Variants in PHLDB2 observed in about 807,000 individuals in gnomAD.
PHLDB2 encodes pleckstrin homology like domain family B member 2.
A neutral mutation model predicts 123.6 loss-of-function variants in PHLDB2; 71 were observed. That is an observed-to-expected ratio of 0.57 (90% CI 0.47 to 0.70). PHLDB2 has a LOEUF of 0.70. PHLDB2 is among the 30% of genes least tolerant of loss of function. The pLI is 0.00. For missense variants in PHLDB2, 1,446 were observed against 1,519.5 expected, an observed-to-expected ratio of 0.95 and a Z score of 0.80; for synonymous variants, 547 against 541.6, an observed-to-expected ratio of 1.01 and a Z score of -0.14.
intron 15 of PHLDB2, among the ~76,000 whole-genome samples, chr3:111,968,651 A>C (rs1400273182): frequency 6.6e-6 from 1 of 152,224 alleles, no homozygotes; most frequent in Non-Finnish European, 1.5e-5. Context: ...TAGCAGTTAG[A>C]GACTATCTTT....
rs200181744 is a variant in PHLDB2, at chr3:111,884,647, G to C, written c.570G>C (p.Pro190=). 3.1e-6 allele frequency: 5 copies of C among 1,613,976 alleles called. No individual in the cohort carries two copies. The change falls in exon 2 of 18, where the codon CCG becomes CCC. Residue 190 remains proline, a synonymous_variant. Transcript: ENST00000431670. ...GAAGTTCCCTGAGTGATGCTGGCCC[G>C]CCTCCTATCAGCAGATCGGGAGCCG... ...WNGSSLSDAG[P]PPISRSGAAS...
At chr3:111,753,040 C>G (rs1002361158) in intron 1 of PHLDB2, among the ~76,000 whole-genome samples, 13 of 152,068 alleles carry the variant, frequency 8.5e-5, no homozygotes, top group South Asian at 2.1e-4. Flanking sequence ...TCTTAATCCA[C>G]TCTATCATTG....
At chr3:111,809,991 T>G (rs2061758842) in intron 1 of PHLDB2, among the ~76,000 whole-genome samples, 1 of 152,164 alleles carries the variant, frequency 6.6e-6, no homozygotes, top group Non-Finnish European at 1.5e-5. Flanking sequence ...TGCACCCAGG[T>G]AATTTTTTAA....
intron 12 of PHLDB2, 147 bp downstream of exon 12, chr3:111,954,176 G>T: frequency 1.6e-6 from 1 of 632,308 alleles, no homozygotes; most frequent in Non-Finnish European, 2.7e-6. Context: ...CTTTCGGGAG[G>T]GATATATAAC....
intron 13 of PHLDB2, among the ~76,000 whole-genome samples, chr3:111,964,138 G>A (rs2071598029): frequency 6.6e-6 from 1 of 152,050 alleles, no homozygotes; most frequent in Non-Finnish European, 1.5e-5. Flanking sequence ...CTGACCATGG[G>A]GATTAGTTAT....
intron 1 of PHLDB2, among the ~76,000 whole-genome samples, chr3:111,865,561 G>T (rs1272957445): frequency 1.3e-5 from 2 of 152,122 alleles, no homozygotes; most frequent in African/African-American, 4.8e-5. Context: ...TCACCATGTT[G>T]AGTATGGAGA....
intron 13 of PHLDB2, among the ~76,000 whole-genome samples, chr3:111,962,944 A>G (rs553073260): frequency 9.2e-5 from 14 of 151,656 alleles, no homozygotes; most frequent in African/African-American, 3.4e-4. Flanking sequence ...AAAAAAAAAA[A>G]AAAAAGAAAG....
At chr3:111,813,957 T>C (rs963529681) in intron 1 of PHLDB2, among the ~76,000 whole-genome samples, 1 of 152,224 alleles carries the variant, frequency 6.6e-6, no homozygotes, top group Admixed American at 6.5e-5. Flanking sequence ...TTCTATGTCA[T>C]TTGTTCAAAA....
At chr3:111,829,470 T>G (rs1225524003) in intron 1 of PHLDB2, among the ~76,000 whole-genome samples, 88 of 736 alleles carry the variant, frequency 0.12, no homozygotes, top group South Asian at 0.17. Flanking sequence ...TTTTTTTTGG[T>G]TTTTTTTTTT....
intron 2 of PHLDB2, among the ~76,000 whole-genome samples, chr3:111,901,141 C>T (rs577366930): frequency 2.0e-5 from 3 of 152,080 alleles, no homozygotes; most frequent in African/African-American, 4.8e-5. Context: ...GGGCGAATCA[C>T]GAGGTCAGGA....
At chr3:111,749,899 A>AT (rs1156584048) in intron 1 of PHLDB2, among the ~76,000 whole-genome samples, 1 of 152,140 alleles carries the variant, frequency 6.6e-6, no homozygotes, top group African/African-American at 2.4e-5. Context: ...ATTGAAGGTA[A>AT]TTTTTTTCTG....
chr3:111,942,337 A>G lies in PHLDB2; in HGVS notation c.2397+1692A>G, dbSNP rs185564737. ...TTCTAGAAATTGACAAGTTGATGCT[A>G]AAATTTACAGTTGATCTTCATTATT... On this transcript the variant is annotated intron_variant, in intron 8 of 17. Coordinates refer to ENST00000431670, the MANE Select transcript of PHLDB2 (RefSeq NM_001134438.2). Among the ~76,000 whole-genome samples, 334 of 152,360 alleles carry G rather than the reference A, an allele frequency of 2.2e-3. 1 individual carries two copies. Among genetic ancestry groups the G allele is most frequent in the Non-Finnish European group, 3.2e-3 (218 of 68,034 alleles).
At chr3:111,958,860 G>T (rs1040527945) in intron 12 of PHLDB2, 1 of 404,516 alleles carries the variant, frequency 2.5e-6, no homozygotes, top group African/African-American at 2.1e-5. Context: ...CCCTCAAAAA[G>T]TAGATGCATT....
At chr3:111,855,393 G>A (rs1414721518), upstream of PHLDB2, among the ~76,000 whole-genome samples, 4 of 150,394 alleles carry the variant, frequency 2.7e-5, no homozygotes, top group African/African-American at 9.7e-5. Context: ...AAGGTAGAAA[G>A]ACTCTCTCTT....
At chr3:111,733,021 A>G (rs1191339630) in intron 1 of PHLDB2, among the ~76,000 whole-genome samples, 2 of 152,232 alleles carry the variant, frequency 1.3e-5, no homozygotes, top group African/African-American at 4.8e-5. Context: ...TAACTCCACA[A>G]GCATGGTTTT....
intron 1 of PHLDB2, among the ~76,000 whole-genome samples, chr3:111,870,175 C>CCTA: frequency 6.6e-6 from 1 of 152,048 alleles, no homozygotes; most frequent in Non-Finnish European, 1.5e-5. Flanking sequence ...GGTATTGAGA[C>CCTA]AGTGGGAAGG....
Position 111,967,745 on chromosome 3 carries a change from A to C in PHLDB2, c.3236A>C (p.Lys1079Thr). 1 of 1,613,148 alleles carries C rather than the reference A, an allele frequency of 6.2e-7. No homozygotes were observed. The highest frequency in any genetic ancestry group is 8.5e-7 in the Non-Finnish European group (1 of 1,179,694). The change falls in exon 15 of 18, where the codon AAA becomes ACA. Residue 1079 changes from lysine to threonine, a missense_variant. Around this residue, in one of 3 missense-constraint regions of PHLDB2, gnomAD observed 594 missense variants for 646.0 expected, o/e 0.92. Coordinates refer to ENST00000431670, the MANE Select transcript of PHLDB2 (RefSeq NM_001134438.2). ...AAACGACGCCGGGAAATCCTGGAAA[A>C]ACGATTACAGGAAGAAACTAGCCAG... ...EEKRRREILE[K>T]RLQEETSQRQ...
chr3:111,869,023 A>G (rs16858743), intron 1 of PHLDB2, among the ~76,000 whole-genome samples: 2 of 152,204 alleles, frequency 1.3e-5, no homozygotes, highest in East Asian at 1.9e-4. Flanking sequence ...ATTTCTAACA[A>G]TTCCTAACGT....
At chr3:111,783,507 C>T (rs2060562986) in intron 1 of PHLDB2, among the ~76,000 whole-genome samples, 1 of 151,876 alleles carries the variant, frequency 6.6e-6, no homozygotes, top group African/African-American at 2.4e-5. Flanking sequence ...GAAATTAAAA[C>T]AAGACAAAAC....
Sources: gnomAD v4.1 joint callset for allele counts (sites outside exome capture counted in the v4.1 genomes callset) on GRCh38, gnomAD v4.1.1 for gene constraint, gnomAD v4.1.1 regional missense constraint, MANE v1.5 for transcripts, NCBI Gene and HGNC (gene_info 2026-07-23, HGNC 2026-07-21) for gene names.